The following EXT1 variants were observed in gnomAD, a reference collection of about 807,000 sequenced individuals.
EXT1 encodes the protein exostosin-1.
EXT1 carries 20 observed loss-of-function variants against 82.5 expected under a neutral mutation model. The ratio of observed to expected loss-of-function variants is 0.24; its 90% CI spans 0.17 to 0.35. EXT1 has a LOEUF of 0.35. Ranked by LOEUF, EXT1 falls within the 10% of genes least tolerant of loss-of-function variation. EXT1 has a pLI of 1.00. For missense variants in EXT1, 757 were observed against 936.5 expected, an observed-to-expected ratio of 0.81 and a Z score of 2.50; for synonymous variants, 348 against 350.8, an observed-to-expected ratio of 0.99 and a Z score of 0.09.
At chr8:117,997,201 T>C (rs895664723) in intron 1 of EXT1, among the ~76,000 whole-genome samples, 21 of 151,080 alleles carry the variant, frequency 1.4e-4, no homozygotes, top group African/African-American at 5.1e-4. Context: ...GATGCTCAAA[T>C]TGAGGCATTG....
chr8:118,048,399 T>C (rs772990007), intron 1 of EXT1, among the ~76,000 whole-genome samples: 22 of 152,374 alleles, frequency 1.4e-4, no homozygotes, highest in Non-Finnish European at 3.1e-4. Flanking sequence ...AGCCATGTTA[T>C]AGGCTTCAAA....
At chr8:117,972,409 A>G (rs144242092) in intron 1 of EXT1, among the ~76,000 whole-genome samples, 1 of 152,328 alleles carries the variant, frequency 6.6e-6, no homozygotes, top group East Asian at 1.9e-4. Context: ...TGATAGATAG[A>G]CACAGGAAAG....
chr8:118,034,629 T>C (rs1563635548), intron 1 of EXT1, among the ~76,000 whole-genome samples: 1 of 152,078 alleles, frequency 6.6e-6, no homozygotes, highest in East Asian at 1.9e-4. Context: ...GAGCTTCTGA[T>C]GACCTACAGC....
chr8:117,947,522 G>A (rs1814412909), intron 1 of EXT1, among the ~76,000 whole-genome samples: 1 of 152,158 alleles, frequency 6.6e-6, no homozygotes, highest in Non-Finnish European at 1.5e-5. Context: ...AAAAGTTGAT[G>A]ACACTTTCAC....
At chr8:118,032,109 G>A (rs1816333103) in intron 1 of EXT1, among the ~76,000 whole-genome samples, 1 of 141,342 alleles carries the variant, frequency 7.1e-6, no homozygotes, top group African/African-American at 2.5e-5. Flanking sequence ...AAGTCATCGC[G>A]GTTTTGGCCA....
intron 1 of EXT1, among the ~76,000 whole-genome samples, chr8:117,850,694 T>C (rs1244064141): frequency 6.6e-6 from 1 of 152,204 alleles, no homozygotes. Context: ...CTCCTTTCTT[T>C]GAAATTTTTA....
chr8:117,804,005 C>A (rs1454951786), intron 10 of EXT1, among the ~76,000 whole-genome samples: 1 of 152,154 alleles, frequency 6.6e-6, no homozygotes, highest in Non-Finnish European at 1.5e-5. Context: ...CACCAGAAAA[C>A]TGTGTTAAAG....
At chr8:117,860,283 A>G (rs1411569045) in intron 1 of EXT1, among the ~76,000 whole-genome samples, 1 of 152,160 alleles carries the variant, frequency 6.6e-6, no homozygotes, top group Non-Finnish European at 1.5e-5. Context: ...TCTCACTCAG[A>G]AGTGGGAGCT....
rs768201929 is a variant in EXT1, at chr8:118,110,275, G to C, written c.772C>G (p.Pro258Ala). The change falls in exon 1 of 11, where the codon CCT becomes GCT. Residue 258 changes from proline to alanine, a missense_variant. Transcript: ENST00000378204. ...AATACCAGCATGTACTTCCTGAGAGGAGGGATGGTGTTGAACTTCAAAAAC... is the reference window on the plus strand; with the variant it reads ...AATACCAGCATGTACTTCCTGAGAGCAGGGATGGTGTTGAACTTCAAAAAC... ...RGFLKFNTIP[P>A]LRKYMLVFKG... 1 of 1,614,084 alleles carries C rather than the reference G, an allele frequency of 6.2e-7. No individual in the cohort carries two copies. The highest frequency in any genetic ancestry group is 8.5e-7 in the Non-Finnish European group (1 of 1,180,030).
chr8:117,851,378 C>CAA (rs138600020), intron 1 of EXT1, among the ~76,000 whole-genome samples: 377 of 141,080 alleles, frequency 2.7e-3, no homozygotes, highest in Non-Finnish European at 4.0e-3. Context: ...TTTAAAAAGA[C>CAA]AAAAAAAAAA....
At chr8:117,960,487 C>G (rs1378322750) in intron 1 of EXT1, among the ~76,000 whole-genome samples, 1 of 152,150 alleles carries the variant, frequency 6.6e-6, no homozygotes, top group Non-Finnish European at 1.5e-5. Context: ...CACCATCACC[C>G]TGTCTTAGAG....
chr8:118,088,977 CT>C (rs1487236740), intron 1 of EXT1, among the ~76,000 whole-genome samples: 23 of 152,194 alleles, frequency 1.5e-4, no homozygotes, highest in Admixed American at 1.5e-3. Context: ...ATTTCTGAAT[CT>C]CAGAGTAGTC....
chr8:117,913,159 T>C (rs1029989374), intron 1 of EXT1, among the ~76,000 whole-genome samples: 1 of 151,674 alleles, frequency 6.6e-6, no homozygotes, highest in Non-Finnish European at 1.5e-5. Context: ...GAGGTGGAGG[T>C]TGCAGTGAGC....
At chr8:118,094,962 T>C (rs1586270480) in intron 1 of EXT1, among the ~76,000 whole-genome samples, 1 of 152,188 alleles carries the variant, frequency 6.6e-6, no homozygotes, top group Non-Finnish European at 1.5e-5. Flanking sequence ...TATCAAATAT[T>C]TGGAGTCAGT....
At chr8:118,019,255 G>GAAAGAAAGAAAT (rs1369717355) in intron 1 of EXT1, among the ~76,000 whole-genome samples, 2 of 137,602 alleles carry the variant, frequency 1.5e-5, no homozygotes, top group Non-Finnish European at 1.5e-5. Flanking sequence ...TTGAAAGAAA[G>GAAAGAAAGAAAT]AAAGAAAGAA....
At position 118,044,843 on chromosome 8, in the gene EXT1, A is replaced by G. The variant is rs17480235; in HGVS notation, c.962+65242T>C. The stretch of plus-strand genomic sequence containing the variant: ...CGCCCCACCGCATGCTTTTGTAAAC[A>G]AAGTTTTATTGGAACATAGCTCATT... On this transcript the variant is annotated intron_variant, in intron 1 of 10. Transcript: ENST00000378204. 1.6e-4 allele frequency among the ~76,000 whole-genome samples: 24 copies of G among 152,336 alleles called. No homozygotes were observed. The East Asian group carries it at 4.2e-3, about 27-fold the overall frequency.
intron 1 of EXT1, among the ~76,000 whole-genome samples, chr8:118,024,150 C>A (rs907073615): frequency 1.3e-5 from 2 of 152,130 alleles, no homozygotes; most frequent in African/African-American, 4.8e-5. Flanking sequence ...AAAAAATAAA[C>A]CACGGTAGAA....
chr8:117,913,096 C>A (rs1813681330), intron 1 of EXT1, among the ~76,000 whole-genome samples: 1 of 152,096 alleles, frequency 6.6e-6, no homozygotes, highest in South Asian at 2.1e-4. Context: ...GTCGCGTGTA[C>A]CTGTAATTTC....
chr8:117,831,948 G>A (rs2129776735), intron 3 of EXT1, among the ~76,000 whole-genome samples: 1 of 152,236 alleles, frequency 6.6e-6, no homozygotes, highest in East Asian at 1.9e-4. Flanking sequence ...AATACTGGCA[G>A]GCAAACATTA....
Sources: gnomAD v4.1 joint callset for allele counts (sites outside exome capture counted in the v4.1 genomes callset) on GRCh38, gnomAD v4.1.1 for gene constraint, MANE v1.5 for transcripts, NCBI Gene and HGNC (gene_info 2026-07-23, HGNC 2026-07-21) for gene names.